RIPOR1: variants seen among roughly 807,000 people sequenced by gnomAD.
RIPOR1 encodes the protein RHO family interacting cell polarization regulator 1.
Under a neutral mutation model 116.5 loss-of-function variants are expected in RIPOR1, and 58 were observed. The ratio of observed to expected loss-of-function variants is 0.50; its 90% CI spans 0.40 to 0.62. RIPOR1 has a LOEUF of 0.62. Ranked by LOEUF, RIPOR1 falls within the 20% of genes least tolerant of loss-of-function variation. The probability of loss-of-function intolerance (pLI) is 0.00; values close to 1 mark genes in which losing one functional copy is unlikely to be tolerated. For missense variants in RIPOR1, 1,372 were observed against 1,586.2 expected, an observed-to-expected ratio of 0.86 and a Z score of 2.29; for synonymous variants, 605 against 650.0, an observed-to-expected ratio of 0.93 and a Z score of 1.05.
Position 67,544,962 on chromosome 16 carries a change from AGTTCTCGGCCTCTC to A in RIPOR1, c.2878_2891del (p.Phe960AlafsTer45), listed in dbSNP as rs2051119064. ...TTCCCTCACCCCCTCACAGTGGTGC[AGTTCTCGGCCTCTC>A]GGCCTGGCTTCCTGACCTTCTGGGA... On this transcript the variant is annotated frameshift_variant, in exon 17 of 22. Transcript: ENST00000042381. LOFTEE classifies it high-confidence loss of function. The surrounding 1 kb of genome is among the most constrained non-coding windows in gnomAD (Gnocchi z 5.1). The A allele has an allele frequency of 6.2e-7, 1 of 1,612,326 alleles. No individual in the cohort carries two copies. The highest frequency in any genetic ancestry group is 8.5e-7 in the Non-Finnish European group (1 of 1,179,984).
chr16:67,544,838 C>T lies in RIPOR1; in HGVS notation c.2869+8C>T. 3 of 1,590,884 alleles carry T rather than the reference C, an allele frequency of 1.9e-6. No homozygotes were observed. Among genetic ancestry groups the T allele is most frequent in the South Asian group, 2.2e-5 (2 of 89,164 alleles). Reference sequence around the variant, plus strand: ...CCAGCTCTGCCCAGGAAGGTAAAGGCCCTGGGGGTTCGGGCTCTGCCATCT... The same window carrying T: ...CCAGCTCTGCCCAGGAAGGTAAAGGTCCTGGGGGTTCGGGCTCTGCCATCT... On this transcript the variant is annotated splice_region_variant and intron_variant, in intron 16 of 21. Transcript: ENST00000042381. The surrounding 1 kb of genome is among the most constrained non-coding windows in gnomAD (Gnocchi z 5.1).
upstream of RIPOR1, among the ~76,000 whole-genome samples, chr16:67,524,467 T>C (rs77812405): frequency 0.02 from 3,002 of 152,270 alleles, 39 homozygotes; most frequent in South Asian, 0.047. Flanking sequence ...AGTTGACCAC[T>C]GTTCCCCCCA....
At position 67,544,746 on chromosome 16, in the gene RIPOR1, C is replaced by T. The variant is rs549151936; in HGVS notation, c.2785C>T (p.Arg929Trp). 7.4e-6 allele frequency: 12 copies of T among 1,612,434 alleles called. No individual in the cohort carries two copies. The highest frequency in any genetic ancestry group is 6.7e-5 in the Admixed American group (4 of 59,948). Residue 929 changes from arginine (R) to tryptophan (W), a missense_variant, in exon 16 of 22, where the codon CGG becomes TGG. By Grantham distance (101) the Arg-to-Trp change is moderately radical (BLOSUM62 -3). Around this residue, in one of 3 missense-constraint regions of RIPOR1, gnomAD observed 1,005 missense variants for 1,144.7 expected, o/e 0.88. Transcript: ENST00000042381. This position sits in a 1 kb window ranked among gnomAD's most constrained non-coding sequence, Gnocchi z 5.1. The stretch of plus-strand genomic sequence containing the variant: ...CTGCCAGGAGGCATGGGCCCTGGAG[C>T]GGCTGCTGCGGGAAGCCCGAGTACT... ...LRCQEAWALE[R>W]LLREARVLEA...
Position 67,538,791 on chromosome 16 carries a change from A to T in RIPOR1, c.224A>T (p.Asp75Val), listed in dbSNP as rs906784354. Residue 75 changes from aspartate (D) to valine (V), a missense_variant, in exon 3 of 22, where the codon GAC becomes GTC. Asp to Val is a radical substitution (Grantham distance 152). This residue lies in a region of RIPOR1 where 165 missense variants were observed against 145.5 expected (regional missense o/e 1.13). Transcript: ENST00000042381. ...AAGGTGCCGCAGCCCGAGCGGCTGG[A>T]CCTGGTGTACACGGCGCTGAAGCGG... ...AAKVPQPERL[D>V]LVYTALKRGL... 8 of 1,613,384 alleles carry T rather than the reference A, an allele frequency of 5.0e-6. No homozygotes were observed. The highest frequency in any genetic ancestry group is 5.9e-6 in the Non-Finnish European group (7 of 1,179,976).
intron 21 of RIPOR1, 48 bp downstream of exon 21, chr16:67,546,279 G>A: frequency 1.9e-6 from 3 of 1,609,596 alleles, no homozygotes; most frequent in Non-Finnish European, 2.6e-6. Context: ...GGACATCTTG[G>A]CTGATGGGAG....
In RIPOR1 at chr16:67,540,665, C is replaced by T. The variant is rs2050953667; in HGVS notation, c.762C>T (p.Thr254=). 6.2e-7 allele frequency: 1 copy of T among 1,611,360 alleles called. No individual in the cohort carries two copies. Among genetic ancestry groups the T allele is most frequent in the East Asian group, 2.2e-5 (1 of 44,832 alleles). Reference sequence around the variant, plus strand: ...AGCAGGTGTGGGACAGTGAAGAAACCATCTTTCTCCCTCTACTCACGGAAT... The same window carrying T: ...AGCAGGTGTGGGACAGTGAAGAAACTATCTTTCTCCCTCTACTCACGGAAT... The part of the protein sequence containing the change: ...SGKQVWDSEE[T]IFLPLLTEFL... Residue 254 remains threonine (T), a synonymous_variant, in exon 10 of 22, where the codon ACC becomes ACT. Coordinates refer to ENST00000042381, the MANE Select transcript of RIPOR1 (RefSeq NM_024519.4). This position sits in a 1 kb window ranked among gnomAD's most constrained non-coding sequence, Gnocchi z 4.7.
chr16:67,536,841 C>T (rs1248859439), intron 1 of RIPOR1, among the ~76,000 whole-genome samples: 1 of 152,152 alleles, frequency 6.6e-6, no homozygotes, highest in East Asian at 1.9e-4. Context: ...CACCCTTAGC[C>T]CATCTTTCCA....
Position 67,542,703 on chromosome 16 carries a change from C to A in RIPOR1, c.1917C>A (p.Thr639=), listed in dbSNP as rs760671479. 2 of 1,613,396 alleles carry A rather than the reference C, an allele frequency of 1.2e-6. No homozygotes were observed. Among genetic ancestry groups the A allele is most frequent in the Admixed American group, 1.7e-5 (1 of 59,960 alleles). ...ACAAAACCAGTATGTCACCTCCCAC[C>A]ACTACAAGTCCTACCCCCAGTGGTA... ...PTHKTSMSPP[T]TTSPTPSGMG... is the part of the protein sequence containing the mutation. The change falls in exon 13 of 22, where the codon ACC becomes ACA. Residue 639 remains threonine, a synonymous_variant. Transcript: ENST00000042381. The surrounding 1 kb of genome is among the most constrained non-coding windows in gnomAD (Gnocchi z 4.6).
In RIPOR1 at chr16:67,545,598, C is replaced by T. The variant is rs901365237; in HGVS notation, c.3190+64C>T. 23 of 1,590,546 alleles carry T rather than the reference C, an allele frequency of 1.4e-5. No individual in the cohort carries two copies. Among genetic ancestry groups the T allele is most frequent in the Admixed American group, 6.9e-5 (4 of 57,982 alleles). On this transcript the variant is annotated intron_variant, in intron 18 of 21. Transcript: ENST00000042381. The surrounding 1 kb of genome is among the most constrained non-coding windows in gnomAD (Gnocchi z 4.8). ...GTCTGAGGACATGAGGACAAGCCCT[C>T]CCCAACCTCGGGGGCTCCTCACCCT...
rs766797782 is a variant in RIPOR1, at chr16:67,545,549, C to T, written c.3190+15C>T. On this transcript the variant is annotated intron_variant, in intron 18 of 21. Coordinates refer to ENST00000042381, the MANE Select transcript of RIPOR1 (RefSeq NM_024519.4). This position sits in a 1 kb window ranked among gnomAD's most constrained non-coding sequence, Gnocchi z 4.8. ...CGCTGAGGAGGGTGAGGCGGTGGCC[C>T]TGATCACATAGTGGCCTCTTGGGGT... The T allele has an allele frequency of 6.2e-7, 1 of 1,613,538 alleles. No individual in the cohort carries two copies.
At chr16:67,523,545 A>C (rs911643434) in intron 1 of RIPOR1, among the ~76,000 whole-genome samples, 2 of 150,420 alleles carry the variant, frequency 1.3e-5, no homozygotes, top group Non-Finnish European at 3.0e-5. Context: ...AAAAAAAAAA[A>C]AAAACAGTAG....
At position 67,544,899 on chromosome 16, in the gene RIPOR1, C is replaced by A; in HGVS notation, c.2870-57C>A. 6.2e-7 allele frequency: 1 copy of A among 1,602,496 alleles called. No individual in the cohort carries two copies. Among genetic ancestry groups the A allele is most frequent in the South Asian group, 1.1e-5 (1 of 90,920 alleles). On this transcript the variant is annotated intron_variant, in intron 16 of 21. Coordinates refer to ENST00000042381, the MANE Select transcript of RIPOR1 (RefSeq NM_024519.4). The surrounding 1 kb of genome is among the most constrained non-coding windows in gnomAD (Gnocchi z 5.1). ...TCCTACCTCAGCCTACTGCCATCTG[C>A]ATGCTCTCTACTCACCTGCCTGCCT...
At chr16:67,539,396 A>T in intron 4 of RIPOR1, 1 of 522,078 alleles carries the variant, frequency 1.9e-6, no homozygotes, top group Non-Finnish European at 3.5e-6. Flanking sequence ...GGCTTCCTGG[A>T]GGAGGGAACA....
chr16:67,523,740 G>T (rs1012251017), intron 1 of RIPOR1, among the ~76,000 whole-genome samples: 8 of 151,424 alleles, frequency 5.3e-5, no homozygotes, highest in African/African-American at 1.9e-4. Context: ...GAGTGCAGTG[G>T]CACAATCACG....
At chr16:67,539,607 C>A in intron 4 of RIPOR1, 121 bp from the exon 5 acceptor site, 1 of 1,210,062 alleles carries the variant, frequency 8.3e-7, no homozygotes, top group Non-Finnish European at 1.2e-6. Flanking sequence ...TCAGTTGCTA[C>A]TGTGACAGGA....
At position 67,530,257 on chromosome 16, in the gene RIPOR1, G is replaced by T. The variant is rs2050622603; in HGVS notation, c.-24+1343G>T. 6.6e-6 allele frequency among the ~76,000 whole-genome samples: 1 copy of T among 152,164 alleles called. No homozygotes were observed. The highest frequency in any genetic ancestry group is 1.5e-5 in the Non-Finnish European group (1 of 68,006). On this transcript the variant is annotated intron_variant, in intron 1 of 21. Coordinates refer to ENST00000042381, the MANE Select transcript of RIPOR1 (RefSeq NM_024519.4). This position sits in a 1 kb window ranked among gnomAD's most constrained non-coding sequence, Gnocchi z 4.5. ...GGCCAGGCCCGGCCCGGGGGAGGCCGCCTGGCTCCCAGCGCGCGGCCAGGG... is the reference window on the plus strand; with the variant it reads ...GGCCAGGCCCGGCCCGGGGGAGGCCTCCTGGCTCCCAGCGCGCGGCCAGGG...
At position 67,544,738 on chromosome 16, in the gene RIPOR1, C is replaced by T. The variant is rs1335075681; in HGVS notation, c.2777C>T (p.Ala926Val). The T allele has an allele frequency of 2.5e-6, 4 of 1,613,138 alleles. No individual in the cohort carries two copies. Among genetic ancestry groups the T allele is most frequent in the Non-Finnish European group, 3.4e-6 (4 of 1,179,638 alleles). ...CCCCTGCGCTGCCAGGAGGCATGGG[C>T]CCTGGAGCGGCTGCTGCGGGAAGCC... ...FGPLRCQEAW[A>V]LERLLREARV... is the part of the protein sequence containing the mutation. Residue 926 changes from alanine (A) to valine (V), a missense_variant, in exon 16 of 22, where the codon GCC becomes GTC. Around this residue, in one of 3 missense-constraint regions of RIPOR1, gnomAD observed 1,005 missense variants for 1,144.7 expected, o/e 0.88. Transcript: ENST00000042381. This position sits in a 1 kb window ranked among gnomAD's most constrained non-coding sequence, Gnocchi z 5.1.
chr16:67,544,537 G>C lies in RIPOR1; in HGVS notation c.2733+106G>C. On this transcript the variant is annotated intron_variant, in intron 15 of 21. Transcript: ENST00000042381. This position sits in a 1 kb window ranked among gnomAD's most constrained non-coding sequence, Gnocchi z 5.1. ...TACCTCCTCTGAGTGCCACACCCCAGTGCCCCAGGGCCCTTGGCATCTGGC... is the reference window on the plus strand; with the variant it reads ...TACCTCCTCTGAGTGCCACACCCCACTGCCCCAGGGCCCTTGGCATCTGGC... 1 of 1,533,710 alleles carries C rather than the reference G, an allele frequency of 6.5e-7. No homozygotes were observed. Among genetic ancestry groups the C allele is most frequent in the African/African-American group, 1.4e-5 (1 of 73,796 alleles).
In RIPOR1 at chr16:67,542,718, C is replaced by T. The variant is rs766422211; in HGVS notation, c.1932C>T (p.Thr644=). 18 of 1,613,770 alleles carry T rather than the reference C, an allele frequency of 1.1e-5. No individual in the cohort carries two copies. The highest frequency in any genetic ancestry group is 4.0e-5 in the African/African-American group (3 of 74,784). The stretch of plus-strand genomic sequence containing the variant: ...CACCTCCCACCACTACAAGTCCTAC[C>T]CCCAGTGGTATGGGCCTAGTCCAGA... The part of the protein sequence containing the change: ...SMSPPTTTSP[T]PSGMGLVQTA... Residue 644 remains threonine (T), a synonymous_variant, in exon 13 of 22, where the codon ACC becomes ACT. Coordinates refer to ENST00000042381, the MANE Select transcript of RIPOR1 (RefSeq NM_024519.4). The surrounding 1 kb of genome is among the most constrained non-coding windows in gnomAD (Gnocchi z 4.6).
Sources: gnomAD v4.1 joint callset for allele counts (sites outside exome capture counted in the v4.1 genomes callset) on GRCh38, gnomAD v4.1.1 for gene constraint, gnomAD v4.1.1 regional missense constraint, Gnocchi (gnomAD v3.1) non-coding constraint, MANE v1.5 for transcripts, NCBI Gene and HGNC (gene_info 2026-07-23, HGNC 2026-07-21) for gene names.